POLQ: variants seen among roughly 807,000 people sequenced by gnomAD.
The protein encoded by POLQ is epididymis secretory sperm binding protein.
A neutral mutation model predicts 259.2 loss-of-function variants in POLQ; 233 were observed. That is an observed-to-expected ratio of 0.90 (90% confidence interval 0.81 to 1.00). The LOEUF (loss-of-function observed/expected upper bound fraction) is 1.00, where lower values mean the gene tolerates loss of function less well. Ranked by LOEUF, POLQ falls within the 50% of genes least tolerant of loss-of-function variation. POLQ has a pLI of 0.00. For missense variants in POLQ, 2,871 were observed against 3,051.6 expected, an observed-to-expected ratio of 0.94 and a Z score of 1.39; for synonymous variants, 1,025 against 1,048.8, an observed-to-expected ratio of 0.98 and a Z score of 0.44.
chr3:121,485,110 C>A lies in POLQ; in HGVS notation c.5704G>T (p.Gly1902Ter). The stretch of plus-strand genomic sequence containing the variant: ...CTTCCACCCCAGCATACTGCCAGTC[C>A]AACCACCAAGGTGTCATCACAACCT... ...IKGCDDTLVV[G>*]LAVCWGGRDA... Residue 1902 changes from glycine (G) to a stop codon, truncating the protein, a stop_gained, in exon 17 of 30, where the codon GGA becomes TGA. Coordinates refer to ENST00000264233, the MANE Select transcript of POLQ (RefSeq NM_199420.4). LOFTEE classifies it high-confidence loss of function. The A allele has an allele frequency of 1.2e-6, 2 of 1,612,126 alleles. No homozygotes were observed. Among genetic ancestry groups the A allele is most frequent in the South Asian group, 2.2e-5 (2 of 90,984 alleles).
intron 14 of POLQ, 87 bp from the exon 15 acceptor site, chr3:121,493,808 GT>G (rs1021587931): frequency 1.6e-6 from 2 of 1,289,350 alleles, no homozygotes; most frequent in Non-Finnish European, 1.1e-6. Flanking sequence ...ATTTTCTTTT[GT>G]TTTTTCCCTG....
rs41541413 is a variant in POLQ at position 121,467,770 on chromosome 3, G to C, written c.6846-130C>G. ...AAAACCTTACTGAGGGCTGGGTGTG[G>C]TAGCTCACACCTGTAATACCAGCAC... On this transcript the variant is annotated intron_variant, in intron 23 of 29. Coordinates refer to ENST00000264233, the MANE Select transcript of POLQ (RefSeq NM_199420.4). 6.3e-5 allele frequency: 56 copies of C among 890,332 alleles called. 1 individual carries two copies. Among genetic ancestry groups the C allele is most frequent in the Admixed American group, 9.5e-5 (4 of 42,062 alleles). 55.2% of individuals were successfully genotyped at this position (890,332 alleles called of 1,614,324 possible).
chr3:121,450,154 T>A (rs1025221073), intron 25 of POLQ, among the ~76,000 whole-genome samples: 22 of 152,324 alleles, frequency 1.4e-4, no homozygotes, highest in African/African-American at 5.1e-4. Context: ...CAGTAATATC[T>A]GCATCATGGG....
chr3:121,438,559 T>G (rs1231039528), intron 27 of POLQ, among the ~76,000 whole-genome samples: 1 of 152,196 alleles, frequency 6.6e-6, no homozygotes, highest in Non-Finnish European at 1.5e-5. Context: ...ACTCAAACTC[T>G]CCATTCCTAC....
At chr3:121,500,961 C>T (rs753999325) in intron 12 of POLQ, among the ~76,000 whole-genome samples, 24 of 152,238 alleles carry the variant, frequency 1.6e-4, no homozygotes, top group South Asian at 4.1e-4. Context: ...AATCTGTCAA[C>T]TAAACATTGT....
intron 15 of POLQ, among the ~76,000 whole-genome samples, chr3:121,491,799 C>A (rs1432255311): frequency 1.3e-5 from 2 of 152,128 alleles, no homozygotes; most frequent in Non-Finnish European, 2.9e-5. Context: ...GGGTCCTCAA[C>A]CCCCGAGATG....
intron 21 of POLQ, 113 bp from the exon 22 acceptor site, chr3:121,472,277 C>CA: frequency 2.1e-6 from 1 of 482,672 alleles, no homozygotes; most frequent in East Asian, 3.0e-5. Flanking sequence ...GTAATATCGA[C>CA]AACTCAAAAC....
chr3:121,533,540 G>C (rs201029521), intron 5 of POLQ, among the ~76,000 whole-genome samples: 1 of 151,918 alleles, frequency 6.6e-6, no homozygotes, highest in Non-Finnish European at 1.5e-5. Flanking sequence ...TTTTTAGACA[G>C]GGTCTTGCTC....
chr3:121,481,832 G>A lies in POLQ; in HGVS notation c.5971-20C>T. 6.4e-7 allele frequency: 1 copy of A among 1,567,598 alleles called. No homozygotes were observed. Among genetic ancestry groups the A allele is most frequent in the Non-Finnish European group, 8.7e-7 (1 of 1,155,436 alleles). ...TGCCACCTGAATGGGATAGCAATGA[G>A]AATATTTTCCTGATTTTTTTCAAAG... is the stretch of plus-strand genomic sequence containing the variant. On this transcript the variant is annotated intron_variant, in intron 18 of 29. Coordinates refer to ENST00000264233, the MANE Select transcript of POLQ (RefSeq NM_199420.4).
chr3:121,467,573 C>CT lies in POLQ; in HGVS notation c.6912dup (p.Asp2305ArgfsTer9). 1 of 1,614,034 alleles carries CT rather than the reference C, an allele frequency of 6.2e-7. No individual in the cohort carries two copies. The highest frequency in any genetic ancestry group is 8.5e-7 in the Non-Finnish European group (1 of 1,179,858). Reference sequence around the variant, plus strand: ...CTAATTGAAAATGGCATTCCTCTGTCTGCAGCTCTCTCCTCCATCTGTGCC... The same window carrying CT: ...CTAATTGAAAATGGCATTCCTCTGTCTTGCAGCTCTCTCCTCCATCTGTGCC... On this transcript the variant is annotated frameshift_variant, in exon 24 of 30. Transcript: ENST00000264233. LOFTEE classifies it high-confidence loss of function.
At chr3:121,444,705 T>C (rs1188188398) in intron 26 of POLQ, among the ~76,000 whole-genome samples, 1 of 152,150 alleles carries the variant, frequency 6.6e-6, no homozygotes, top group East Asian at 1.9e-4. Context: ...GGCTTTCACT[T>C]TTTCCCCATT....
intron 12 of POLQ, among the ~76,000 whole-genome samples, chr3:121,501,425 C>T (rs945302066): frequency 6.1e-5 from 9 of 147,948 alleles, no homozygotes; most frequent in African/African-American, 2.5e-5. Flanking sequence ...TTTGGGAGGC[C>T]GAGGCGGGCG....
intron 26 of POLQ, among the ~76,000 whole-genome samples, chr3:121,448,313 T>C (rs1227801879): frequency 6.6e-6 from 1 of 152,064 alleles, no homozygotes; most frequent in Non-Finnish European, 1.5e-5. Flanking sequence ...TACTCTTCAG[T>C]ATATCAATTG....
chr3:121,472,274 C>T (rs2047889810), intron 21 of POLQ, 110 bp from the exon 22 acceptor site: 5 of 499,212 alleles, frequency 1.0e-5, no homozygotes, highest in Non-Finnish European at 1.7e-5. Flanking sequence ...AGAGTAATAT[C>T]GACAACTCAA....
At chr3:121,526,881 G>GTGTA (rs1200245451) in intron 7 of POLQ, among the ~76,000 whole-genome samples, 2 of 148,336 alleles carry the variant, frequency 1.3e-5, no homozygotes, top group African/African-American at 5.0e-5. Flanking sequence ...CTGTATGTGT[G>GTGTA]TGTGTGTGTG....
At chr3:121,497,342 TAATCCAAGTATATA>T (rs1240479880) in intron 13 of POLQ, among the ~76,000 whole-genome samples, 1 of 152,196 alleles carries the variant, frequency 6.6e-6, no homozygotes, top group African/African-American at 2.4e-5. Context: ...GTAGCAAAAG[TAATCCAAGTATATA>T]AATCCAAGTA....
At chr3:121,522,302 T>C (rs1335894992) in intron 7 of POLQ, among the ~76,000 whole-genome samples, 153 bp from the exon 8 acceptor site, 2 of 79,274 alleles carry the variant, frequency 2.5e-5, no homozygotes, top group Non-Finnish European at 4.7e-5. Flanking sequence ...TTTTTTTTTT[T>C]TTTTTTTTTT....
Position 121,476,661 on chromosome 3 carries a change from C to T in POLQ, c.6284G>A (p.Ser2095Asn), listed in dbSNP as rs747132875. 6.2e-7 allele frequency: 1 copy of T among 1,613,686 alleles called. No individual in the cohort carries two copies. Residue 2095 changes from serine (S) to asparagine (N), a missense_variant, in exon 20 of 30, where the codon AGT (serine) becomes AAT (asparagine). This residue lies in a region of POLQ where 2,080 missense variants were observed against 2,126.0 expected (regional missense o/e 0.98). Coordinates refer to ENST00000264233, the MANE Select transcript of POLQ (RefSeq NM_199420.4). ...ALLELNGIGFSTAECESQKHI... is the reference protein window; with the variant it reads ...ALLELNGIGFNTAECESQKHI... The stretch of plus-strand genomic sequence containing the variant: ...TTTCTGACTTTCACATTCTGCAGTA[C>T]TAAAGCCAATTCCATTTAGTTCTAG...
Position 121,483,447 on chromosome 3 carries a change from C to G in POLQ, c.5909G>C (p.Ser1970Thr). 6.2e-7 allele frequency: 1 copy of G among 1,600,134 alleles called. No individual in the cohort carries two copies. Among genetic ancestry groups the G allele is most frequent in the Non-Finnish European group, 8.5e-7 (1 of 1,175,728 alleles). Residue 1970 changes from serine (S) to threonine (T), a missense_variant, in exon 18 of 30, where the codon AGC (serine) becomes ACC (threonine). Transcript: ENST00000264233. Reference sequence around the variant, plus strand: ...ACAAGAAAGAAGAAGAATTTTATAGCTCTGGATGAAGTCATAGATGACAAC... The same window carrying G: ...ACAAGAAAGAAGAAGAATTTTATAGGTCTGGATGAAGTCATAGATGACAAC... The part of the protein sequence containing the change: ...CSVVIYDFIQ[S>T]YKILLLSCGI...
Sources: gnomAD v4.1 joint callset for allele counts (sites outside exome capture counted in the v4.1 genomes callset) on GRCh38, gnomAD v4.1.1 for gene constraint, gnomAD v4.1.1 regional missense constraint, MANE v1.5 for transcripts, NCBI Gene and HGNC (gene_info 2026-07-23, HGNC 2026-07-21) for gene names.